Variants in IL7 observed in about 807,000 individuals in gnomAD.
IL7 encodes the protein interleukin 7.
IL7 carries 3 observed loss-of-function variants against 21.6 expected under a neutral mutation model. The ratio of observed to expected loss-of-function variants is 0.14; its 90% CI spans 0.06 to 0.36. The LOEUF is 0.36. Ranked by LOEUF, IL7 falls within the 10% of genes least tolerant of loss-of-function variation. The pLI, the probability that IL7 is intolerant of heterozygous loss-of-function variation, is 1.00. For synonymous variants in IL7, 62 were observed against 68.1 expected, an observed-to-expected ratio of 0.91 and a Z score of 0.44; for missense variants, 175 against 200.2, an observed-to-expected ratio of 0.87 and a Z score of 0.76.
At chr8:78,716,766 A>C (rs1306120378), downstream of IL7, among the ~76,000 whole-genome samples, 1 of 152,092 alleles carries the variant, frequency 6.6e-6, no homozygotes, top group African/African-American at 2.4e-5. Context: ...TGTAACCCTC[A>C]ACGTTAGAGG....
At chr8:78,799,146 T>C (rs973279875) in intron 1 of IL7, among the ~76,000 whole-genome samples, 2 of 152,150 alleles carry the variant, frequency 1.3e-5, no homozygotes, top group Admixed American at 6.5e-5. Flanking sequence ...ATGTTGACAA[T>C]GTATTTCCTG....
intron 4 of IL7, among the ~76,000 whole-genome samples, chr8:78,737,626 A>G (rs1326563105): frequency 6.6e-6 from 1 of 152,152 alleles, no homozygotes; most frequent in African/African-American, 2.4e-5. Flanking sequence ...CTACATTTTT[A>G]TCACTGTCAA....
At chr8:78,717,047 C>T (rs1057415153), downstream of IL7, among the ~76,000 whole-genome samples, 1 of 152,046 alleles carries the variant, frequency 6.6e-6, no homozygotes, top group African/African-American at 2.4e-5. Context: ...ATTACCCAGT[C>T]TCAGGTAGTT....
intron 3 of IL7, among the ~76,000 whole-genome samples, chr8:78,708,918 G>A (rs980334310): frequency 2.0e-5 from 3 of 151,858 alleles, no homozygotes; most frequent in Non-Finnish European, 4.4e-5. Context: ...CATCCACCTC[G>A]GTTTCCCAAA....
intron 2 of IL7, among the ~76,000 whole-genome samples, chr8:78,792,048 C>T (rs1228846478): frequency 6.6e-6 from 1 of 151,984 alleles, no homozygotes; most frequent in Non-Finnish European, 1.5e-5. Flanking sequence ...AAACTAAACA[C>T]CAAGCTACAG....
intron 3 of IL7, among the ~76,000 whole-genome samples, chr8:78,727,283 C>G (rs572131772): frequency 6.6e-6 from 1 of 152,062 alleles, no homozygotes; most frequent in Non-Finnish European, 1.5e-5. Flanking sequence ...CCTAAATCAC[C>G]ACATCTTTTC....
chr8:78,689,121 ATTAC>A (rs1810123109), intron 3 of IL7: 1 of 838,812 alleles, frequency 1.2e-6, no homozygotes, highest in Non-Finnish European at 1.6e-6. Context: ...ATCAGATGTT[ATTAC>A]TTATATTTTT....
chr8:78,792,214 G>A (rs1053077380), intron 2 of IL7, among the ~76,000 whole-genome samples: 2 of 152,000 alleles, frequency 1.3e-5, no homozygotes, highest in Non-Finnish European at 2.9e-5. Context: ...ATCAGATGCA[G>A]GAACAACTGT....
chr8:78,791,629 G>A (rs1813697287), intron 2 of IL7, among the ~76,000 whole-genome samples: 1 of 152,124 alleles, frequency 6.6e-6, no homozygotes, highest in Non-Finnish European at 1.5e-5. Flanking sequence ...GATGGAGTGA[G>A]ACTCTGTCTC....
At chr8:78,704,142 G>A (rs1810693737) in intron 3 of IL7, among the ~76,000 whole-genome samples, 2 of 152,144 alleles carry the variant, frequency 1.3e-5, no homozygotes, top group Non-Finnish European at 2.9e-5. Context: ...AGCACTTTGG[G>A]AGACCGAGGC....
chr8:78,702,700 G>A (rs772499890), intron 3 of IL7, among the ~76,000 whole-genome samples: 2 of 151,980 alleles, frequency 1.3e-5, no homozygotes, highest in African/African-American at 2.4e-5. Context: ...CGATTTCTGC[G>A]TTAATTTCAT....
chr8:78,702,874 C>T (rs1408556144), intron 3 of IL7, among the ~76,000 whole-genome samples: 1 of 151,986 alleles, frequency 6.6e-6, no homozygotes, highest in Non-Finnish European at 1.5e-5. Flanking sequence ...TGTTTTACAT[C>T]CAATTATGTG....
At chr8:78,760,441 G>T in intron 2 of IL7, 1 of 1,578,674 alleles carries the variant, frequency 6.3e-7, no homozygotes, top group African/African-American at 1.4e-5. Flanking sequence ...GGGCTTCATA[G>T]ATGGTGGACG....
At chr8:78,791,782 C>A (rs1363353100) in intron 2 of IL7, among the ~76,000 whole-genome samples, 1 of 152,128 alleles carries the variant, frequency 6.6e-6, no homozygotes, top group Non-Finnish European at 1.5e-5. Flanking sequence ...CCCACCACTT[C>A]TCTACAGTCT....
Position 78,724,639 on chromosome 8 carries a change from A to G in IL7, n.268-3199T>C, listed in dbSNP as rs144787641. Among the ~76,000 whole-genome samples the G allele has an allele frequency of 7.0e-3, 1,061 of 152,190 alleles. 45 individuals are homozygous for G. Among genetic ancestry groups the G allele is most frequent in the Admixed American group, 0.06 (909 of 15,256 alleles). On this transcript the variant is annotated intron_variant and non_coding_transcript_variant, in intron 3 of 6. Transcript: ENST00000519833. ...TTGGAAACATGCTATTCAATTAACT[A>G]TTAATTTGAAAATTCAAAAATAGGT...
At chr8:78,708,200 C>T (rs986429760) in intron 3 of IL7, among the ~76,000 whole-genome samples, 3 of 152,104 alleles carry the variant, frequency 2.0e-5, no homozygotes, top group Admixed American at 1.3e-4. Flanking sequence ...ATTGAGCATT[C>T]GCTGAGATTA....
chr8:78,749,400 T>C (rs1812093786), intron 2 of IL7, among the ~76,000 whole-genome samples: 1 of 151,906 alleles, frequency 6.6e-6, no homozygotes, highest in Non-Finnish European at 1.5e-5. Flanking sequence ...GCTAAACCCA[T>C]TAAAAAAAAA....
At chr8:78,798,631 C>T (rs1813946125) in intron 1 of IL7, among the ~76,000 whole-genome samples, 1 of 150,904 alleles carries the variant, frequency 6.6e-6, no homozygotes, top group Non-Finnish European at 1.5e-5. Flanking sequence ...TTTTGTAAAC[C>T]TTGATGGTAG....
At chr8:78,760,995 C>A in intron 2 of IL7, 1 of 1,595,292 alleles carries the variant, frequency 6.3e-7, no homozygotes, top group Non-Finnish European at 8.5e-7. Flanking sequence ...ACAATGAAAT[C>A]AAAATCTGTT....
Sources: gnomAD v4.1 joint callset for allele counts (sites outside exome capture counted in the v4.1 genomes callset) on GRCh38, gnomAD v4.1.1 for gene constraint, MANE v1.5 for transcripts, NCBI Gene and HGNC (gene_info 2026-07-23, HGNC 2026-07-21) for gene names.